Variants in CPA6 observed in about 807,000 individuals in gnomAD.
The protein encoded by CPA6 is carboxypeptidase A6.
Under a neutral mutation model 63.3 loss-of-function variants are expected in CPA6, and 58 were observed. That is an observed-to-expected ratio of 0.92 (90% CI 0.74 to 1.14). The LOEUF is 1.14. Ranked by LOEUF, CPA6 falls within the 50% of genes most tolerant of loss-of-function variation. The pLI is 0.00. For missense variants in CPA6, 565 were observed against 526.6 expected (o/e 1.07, Z -0.71); for synonymous variants, 185 against 179.0 (o/e 1.03, Z -0.27).
chr8:67,733,192 A>G (rs1195196469), intron 1 of CPA6, among the ~76,000 whole-genome samples: 8 of 87,124 alleles, frequency 9.2e-5, no homozygotes, highest in South Asian at 5.2e-4. Flanking sequence ...GCGAGACTCC[A>G]TCTCAAAAAA....
At chr8:67,594,109 T>C (rs1430916085) in intron 2 of CPA6, among the ~76,000 whole-genome samples, 1 of 152,148 alleles carries the variant, frequency 6.6e-6, no homozygotes, top group Non-Finnish European at 1.5e-5. Context: ...CATTTGCTTG[T>C]CTGTAAAGGA....
intron 6 of CPA6, among the ~76,000 whole-genome samples, chr8:67,486,391 G>A (rs768450480): frequency 2.6e-5 from 4 of 152,244 alleles, no homozygotes; most frequent in Non-Finnish European, 4.4e-5. Flanking sequence ...GAAAATGGCT[G>A]AAATTCAGCA....
intron 1 of CPA6, among the ~76,000 whole-genome samples, chr8:67,688,998 T>TTTTTTTTTTTTTTTTTTTTTTTTTTTG (rs530035160): frequency 1.3e-5 from 2 of 151,132 alleles, no homozygotes; most frequent in African/African-American, 4.9e-5. Flanking sequence ...TATTATTTTT[T>TTTTTTTTTTTTTTTTTTTTTTTTTTTG]AGATGGAGTC....
chr8:67,435,280 A>G (rs1029151581), intron 8 of CPA6, among the ~76,000 whole-genome samples: 7 of 152,010 alleles, frequency 4.6e-5, no homozygotes, highest in Non-Finnish European at 8.8e-5. Context: ...GAAATCTTTT[A>G]TGGAAGAAGG....
At position 67,475,930 on chromosome 8, in the gene CPA6, CTTTCT is replaced by C. The variant is rs1811222172; in HGVS notation, c.838+7833_838+7837del. ...TCTTTCTTTCTTTCTTTCTTTCTTT[CTTTCT>C]CTTTCTTTCTCTGTCTTTCTTTCTC... is the stretch of plus-strand genomic sequence containing the variant. On this transcript the variant is annotated intron_variant, in intron 8 of 10. Coordinates refer to ENST00000297770, the MANE Select transcript of CPA6 (RefSeq NM_020361.5). Among the ~76,000 whole-genome samples, 2 of 70,818 alleles carry C rather than the reference CTTTCT, an allele frequency of 2.8e-5. 1 individual carries two copies. Among genetic ancestry groups the C allele is most frequent in the Non-Finnish European group, 5.5e-5 (2 of 36,410 alleles). 46.5% of individuals were successfully genotyped at this position (70,818 alleles called of 152,430 possible).
chr8:67,459,867 T>C (rs377733702), intron 8 of CPA6, among the ~76,000 whole-genome samples: 19 of 152,312 alleles, frequency 1.2e-4, no homozygotes, highest in African/African-American at 4.3e-4. Flanking sequence ...TTTTTATCCA[T>C]TGTAATACAT....
chr8:67,507,710 G>T (rs75817518), intron 5 of CPA6, among the ~76,000 whole-genome samples: 3 of 152,092 alleles, frequency 2.0e-5, no homozygotes, highest in African/African-American at 7.2e-5. Flanking sequence ...ATTATGATGC[G>T]AATATCAATA....
chr8:67,645,221 A>C (rs1049662813), intron 1 of CPA6, among the ~76,000 whole-genome samples: 16 of 152,206 alleles, frequency 1.1e-4, no homozygotes, highest in Non-Finnish European at 1.0e-4. Context: ...GTATGGTATT[A>C]AAAATAGGAC....
intron 1 of CPA6, among the ~76,000 whole-genome samples, chr8:67,738,203 G>A (rs1324910390): frequency 6.6e-6 from 1 of 152,156 alleles, no homozygotes; most frequent in Non-Finnish European, 1.5e-5. Flanking sequence ...CCCAGATCTG[G>A]CCCCCTGGCT....
intron 1 of CPA6, among the ~76,000 whole-genome samples, chr8:67,734,088 G>T (rs1230974748): frequency 3.3e-5 from 5 of 150,964 alleles, no homozygotes; most frequent in Non-Finnish European, 5.9e-5. Flanking sequence ...TGTTGGCCAG[G>T]CTGGGTCTCC....
At chr8:67,637,844 G>A (rs1028835556) in intron 1 of CPA6, among the ~76,000 whole-genome samples, 1 of 151,372 alleles carries the variant, frequency 6.6e-6, no homozygotes, top group African/African-American at 2.5e-5. Context: ...ATGGCCATCA[G>A]CAATACATTA....
intron 1 of CPA6, among the ~76,000 whole-genome samples, chr8:67,724,908 T>A (rs1164315684): frequency 6.6e-6 from 1 of 152,204 alleles, no homozygotes; most frequent in African/African-American, 2.4e-5. Flanking sequence ...CTTAGACTCA[T>A]CCCCCAATTT....
At chr8:67,530,971 C>T (rs1287727345) in intron 2 of CPA6, among the ~76,000 whole-genome samples, 2 of 152,134 alleles carry the variant, frequency 1.3e-5, no homozygotes, top group African/African-American at 2.4e-5. Context: ...TTACAAAACA[C>T]ATGAGCATTC....
chr8:67,582,492 C>T (rs993077111), intron 2 of CPA6, among the ~76,000 whole-genome samples: 5 of 152,068 alleles, frequency 3.3e-5, no homozygotes, highest in African/African-American at 1.2e-4. Context: ...ACTATTCAGC[C>T]ATAGTGTGAG....
intron 8 of CPA6, among the ~76,000 whole-genome samples, chr8:67,474,304 C>T (rs765393866): frequency 4.6e-5 from 7 of 152,114 alleles, no homozygotes; most frequent in Non-Finnish European, 7.4e-5. Flanking sequence ...TCACTGCCAC[C>T]TCCACCTCCC....
At chr8:67,619,504 CG>C (rs762667249) in intron 2 of CPA6, among the ~76,000 whole-genome samples, 1 of 152,052 alleles carries the variant, frequency 6.6e-6, no homozygotes, top group African/African-American at 2.4e-5. Flanking sequence ...GGGCATTGAC[CG>C]GGGTGTGCTG....
chr8:67,634,884 A>T (rs1417995452), intron 1 of CPA6, among the ~76,000 whole-genome samples: 1 of 151,212 alleles, frequency 6.6e-6, no homozygotes, highest in Admixed American at 6.6e-5. Context: ...TTTACAGGAA[A>T]ATATTCTTCT....
intron 8 of CPA6, among the ~76,000 whole-genome samples, chr8:67,461,843 T>TGG (rs1810820856): frequency 1.3e-5 from 2 of 152,038 alleles, no homozygotes; most frequent in South Asian, 4.2e-4. Flanking sequence ...CCCTCCCGGA[T>TGG]GGGGCGCCTT....
chr8:67,594,709 G>T (rs1270207511), intron 2 of CPA6, among the ~76,000 whole-genome samples: 1 of 151,982 alleles, frequency 6.6e-6, no homozygotes. Context: ...TGTAGTTCTC[G>T]AGCCTTGGCT....
Sources: allele counts gnomAD v4.1 joint callset (sites outside exome capture counted in the v4.1 genomes callset), GRCh38; gene constraint gnomAD v4.1.1; transcripts MANE v1.5; gene names NCBI Gene and HGNC (gene_info 2026-07-23, HGNC 2026-07-21).